SRR: variants seen among roughly 807,000 people sequenced by gnomAD.
SRR encodes D-serine ammonia-lyase.
SRR carries 19 observed loss-of-function variants against 32.7 expected under a neutral mutation model. The ratio of observed to expected loss-of-function variants is 0.58; its 90% CI spans 0.40 to 0.85. SRR has a LOEUF of 0.85. Ranked by LOEUF, SRR falls within the 40% of genes least tolerant of loss-of-function variation. SRR has a pLI of 0.00. For missense variants in SRR, 373 were observed against 404.7 expected, an observed-to-expected ratio of 0.92 and a Z score of 0.67; for synonymous variants, 142 against 140.9, an observed-to-expected ratio of 1.01 and a Z score of -0.06.
intron 1 of SRR, chr17:2,306,790 G>A (rs56228904): frequency 6.7e-5 from 47 of 706,418 alleles, no homozygotes; most frequent in Non-Finnish European, 9.5e-5. Flanking sequence ...TAAAGAGCTC[G>A]TACAGCTGAA....
chr17:2,323,773 T>A lies in SRR; in HGVS notation c.923T>A (p.Ile308Asn). 6.2e-7 allele frequency: 1 copy of A among 1,614,182 alleles called. No homozygotes were observed. The highest frequency in any genetic ancestry group is 8.5e-7 in the Non-Finnish European group (1 of 1,180,026). ...FQTVSPEVKN[I>N]CIVLSGGNVD... ...ACTGTTTCCCCAGAAGTAAAGAACA[T>A]TTGTATTGTGCTCAGTGGTGGAAAT... is the stretch of plus-strand genomic sequence containing the variant. The change falls in exon 8 of 8, where the codon ATT becomes AAT. Residue 308 changes from isoleucine (I) to asparagine (N), a missense_variant. Coordinates refer to ENST00000344595, the MANE Select transcript of SRR (RefSeq NM_021947.3).
Position 2,323,862 on chromosome 17 carries a change from G to A in SRR, c.1012G>A (p.Val338Ile), listed in dbSNP as rs1438190640. 1 of 1,613,894 alleles carries A rather than the reference G, an allele frequency of 6.2e-7. No individual in the cohort carries two copies. Among genetic ancestry groups the A allele is most frequent in the South Asian group, 1.1e-5 (1 of 91,064 alleles). ...QAERPASYQS[V>I]SV ...TGAAAGGCCAGCTTCTTATCAGTCT[G>A]TTTCTGTTTAATTTACAGAAAAGGA... The change falls in exon 8 of 8, where the codon GTT (valine) becomes ATT (isoleucine). Residue 338 changes from valine (V) to isoleucine (I), a missense_variant. By Grantham distance (29) the Val-to-Ile change is conservative (BLOSUM62 3). Transcript: ENST00000344595.
At chr17:2,322,942 T>G (rs1451906561) in intron 6 of SRR, 194 bp from the exon 7 acceptor site, 1 of 566,840 alleles carries the variant, frequency 1.8e-6, no homozygotes, top group East Asian at 3.1e-5. Context: ...TTTTCCTATT[T>G]TTAGTTGACA....
At position 2,324,143 on chromosome 17, in the gene SRR, C is replaced by T; in HGVS notation, c.*270C>T. 1 of 1,507,948 alleles carries T rather than the reference C, an allele frequency of 6.6e-7. No homozygotes were observed. The allele number at this position is 1,507,948 out of a possible 1,614,324, so 93.4% of individuals were successfully genotyped here. A position where few individuals can be genotyped will look rare whatever the true frequency, so the allele number is the denominator to read the frequency against. ...CTTTGCCCAATCACAACTTGTGCCT[C>T]CCATCCCTGGAGTACTGACTGGCAC... is the stretch of plus-strand genomic sequence containing the variant. On this transcript the variant is annotated 3_prime_UTR_variant, in exon 8 of 8. Transcript: ENST00000344595.
chr17:2,310,816 G>C (rs937453641), intron 1 of SRR, among the ~76,000 whole-genome samples: 38 of 152,138 alleles, frequency 2.5e-4, no homozygotes, highest in African/African-American at 8.4e-4. Flanking sequence ...GCATGATCTT[G>C]GCTCACTGCA....
intron 1 of SRR, among the ~76,000 whole-genome samples, chr17:2,311,053 G>GT (rs1261645850): frequency 3.3e-5 from 5 of 150,142 alleles, no homozygotes; most frequent in Admixed American, 2.7e-4. Flanking sequence ...GCCAATTTTT[G>GT]TTTTTTTAAT....
intron 6 of SRR, among the ~76,000 whole-genome samples, 196 bp downstream of exon 6, chr17:2,321,812 C>T (rs961802426): frequency 1.3e-5 from 2 of 152,204 alleles, no homozygotes; most frequent in African/African-American, 4.8e-5. Flanking sequence ...CAGATTCTCG[C>T]TGTTGCCCAG....
chr17:2,321,417 C>T lies in SRR; in HGVS notation c.511C>T (p.Leu171=), dbSNP rs1417064501. 6.2e-7 allele frequency: 1 copy of T among 1,612,030 alleles called. No homozygotes were observed. Among genetic ancestry groups the T allele is most frequent in the Admixed American group, 1.7e-5 (1 of 59,678 alleles). ...AGQGTIALEV[L]NQVPLVDALV... The stretch of plus-strand genomic sequence containing the variant: ...ACAAGGGACAATTGCCCTGGAAGTG[C>T]TGAACCAGGTAAAATAGCTGAGTTC... The change falls in exon 5 of 8, where the codon CTG becomes TTG. Residue 171 remains leucine (L), a synonymous_variant. Coordinates refer to ENST00000344595, the MANE Select transcript of SRR (RefSeq NM_021947.3).
intron 4 of SRR, 86 bp downstream of exon 4, chr17:2,319,015 C>T (rs1231046107): frequency 7.6e-6 from 7 of 916,818 alleles, no homozygotes; most frequent in African/African-American, 1.7e-5. Flanking sequence ...CCTTCTCAGC[C>T]TCCTTTGTGG....
intron 1 of SRR, chr17:2,307,628 T>C: frequency 1.1e-6 from 1 of 946,248 alleles, no homozygotes; most frequent in Non-Finnish European, 1.7e-6. Context: ...CCTATGGTGG[T>C]GCAGGCCAAT....
In SRR at chr17:2,323,828, G is replaced by A. The variant is rs369740761; in HGVS notation, c.978G>A (p.Val326=). 1.4e-5 allele frequency: 23 copies of A among 1,614,086 alleles called. No individual in the cohort carries two copies. The highest frequency in any genetic ancestry group is 1.5e-5 in the Non-Finnish European group (18 of 1,180,048). Residue 326 remains valine (V), a synonymous_variant, in exon 8 of 8, where the codon GTG becomes GTA. Coordinates refer to ENST00000344595, the MANE Select transcript of SRR (RefSeq NM_021947.3). ...NVDLTSSITW[V]KQAERPASYQ... is the part of the protein sequence containing the mutation. ...ACTTAACCTCCTCCATAACTTGGGT[G>A]AAGCAGGCTGAAAGGCCAGCTTCTT...
intron 1 of SRR, among the ~76,000 whole-genome samples, chr17:2,305,068 C>T (rs1246652048): frequency 6.6e-6 from 1 of 152,152 alleles, no homozygotes; most frequent in East Asian, 1.9e-4. Flanking sequence ...GACAGAACTC[C>T]TTCAGTTCCT....
At chr17:2,303,767 G>T, upstream of SRR, 2 of 1,459,360 alleles carry the variant, frequency 1.4e-6, no homozygotes, top group Non-Finnish European at 1.8e-6. Context: ...ACCGCCGCGC[G>T]CAGCCAGGAA....
intron 4 of SRR, among the ~76,000 whole-genome samples, chr17:2,320,048 G>C (rs1240494591): frequency 6.6e-6 from 1 of 150,610 alleles, no homozygotes; most frequent in Non-Finnish European, 1.5e-5. Flanking sequence ...TCGATCTCCT[G>C]ACCTCGTGAT....
intron 4 of SRR, 50 bp from the exon 5 acceptor site, chr17:2,321,255 TG>T (rs1435304612): frequency 6.2e-7 from 1 of 1,600,254 alleles, no homozygotes; most frequent in Non-Finnish European, 8.5e-7. Context: ...TGGAACTTGT[TG>T]GGGACTCTAT....
At position 2,324,409 on chromosome 17, in the gene SRR, A is replaced by C. The variant is rs763665829; in HGVS notation, c.*536A>C. 1.9e-6 allele frequency: 3 copies of C among 1,599,776 alleles called. No homozygotes were observed. In the South Asian group the frequency reaches 3.4e-5, roughly 18 times the overall value. On this transcript the variant is annotated 3_prime_UTR_variant, in exon 8 of 8. Transcript: ENST00000344595. ...CATCAGAACAAGTCGGTCAAATTAA[A>C]AGTAGAAAATTTTAAAGCAATGACT...
chr17:2,308,815 A>G (rs1451674552), intron 1 of SRR, among the ~76,000 whole-genome samples: 1 of 151,138 alleles, frequency 6.6e-6, no homozygotes, highest in Non-Finnish European at 1.5e-5. Flanking sequence ...GTGAGACTCC[A>G]TCTCAAAAAA....
At chr17:2,315,446 C>A in intron 1 of SRR, 111 bp from the exon 2 acceptor site, 1 of 1,036,262 alleles carries the variant, frequency 9.7e-7, no homozygotes, top group Non-Finnish European at 1.3e-6. Context: ...GGAGAATTTC[C>A]ACATGACACC....
upstream of SRR, chr17:2,303,523 G>A (rs959927081): frequency 1.5e-6 from 2 of 1,335,314 alleles, no homozygotes; most frequent in African/African-American, 1.5e-5. Context: ...TACTGCTGGG[G>A]GAAGGGGCGG....
Sources: gnomAD v4.1 joint callset for allele counts (sites outside exome capture counted in the v4.1 genomes callset) on GRCh38, gnomAD v4.1.1 for gene constraint, MANE v1.5 for transcripts, NCBI Gene and HGNC (gene_info 2026-07-23, HGNC 2026-07-21) for gene names.